Variants in USP13 observed in about 807,000 individuals in gnomAD.
USP13 encodes the protein ubiquitin carboxyl-terminal hydrolase 13.
In USP13, 68 loss-of-function variants were observed where a neutral mutation model predicts 107.8. That is an observed-to-expected ratio of 0.63 (90% CI 0.52 to 0.77). USP13 has a LOEUF of 0.77. USP13 is among the 30% of genes least tolerant of loss of function. The probability of loss-of-function intolerance (pLI) is 0.00; values close to 1 mark genes in which losing one functional copy is unlikely to be tolerated. For synonymous variants in USP13, 377 were observed against 389.5 expected, an observed-to-expected ratio of 0.97 and a Z score of 0.38; for missense variants, 945 against 1,093.3, an observed-to-expected ratio of 0.86 and a Z score of 1.91.
At chr3:179,688,934 G>C (rs1711994170) in intron 2 of USP13, among the ~76,000 whole-genome samples, 1 of 152,216 alleles carries the variant, frequency 6.6e-6, no homozygotes, top group Non-Finnish European at 1.5e-5. Flanking sequence ...TGGAGGGACA[G>C]GTTTTTGAGA....
chr3:179,774,356 G>A (rs980554344), intron 19 of USP13, among the ~76,000 whole-genome samples: 2 of 152,178 alleles, frequency 1.3e-5, no homozygotes, highest in African/African-American at 4.8e-5. Flanking sequence ...CTCCCTGTGA[G>A]TGTTACAGTT....
intron 19 of USP13, among the ~76,000 whole-genome samples, chr3:179,778,747 C>T (rs1560084982): frequency 1.3e-5 from 2 of 149,064 alleles, no homozygotes; most frequent in East Asian, 3.9e-4. Flanking sequence ...GCCTGGGTAA[C>T]AAGGGCAAAA....
intron 1 of USP13, among the ~76,000 whole-genome samples, chr3:179,668,383 C>A (rs1277482120): frequency 6.6e-6 from 1 of 152,194 alleles, no homozygotes; most frequent in East Asian, 1.9e-4. Flanking sequence ...CTATACTCTC[C>A]TGGGATTACA....
intron 16 of USP13, among the ~76,000 whole-genome samples, chr3:179,758,700 G>A (rs372210324): frequency 1.3e-5 from 2 of 151,740 alleles, no homozygotes; most frequent in African/African-American, 2.4e-5. Context: ...GGGTTTTACC[G>A]TGTTAGCCAG....
rs866728222 is a variant in USP13, at chr3:179,752,742, G to A, written c.1798+369G>A. The stretch of plus-strand genomic sequence containing the variant: ...GCCTGTGATTCTGTGTTTCTAACAA[G>A]CTCCCACGTGATGCTGATGCTGTTG... On this transcript the variant is annotated intron_variant, in intron 14 of 20. Transcript: ENST00000263966. Among the ~76,000 whole-genome samples the A allele has an allele frequency of 8.5e-5, 13 of 152,356 alleles. No homozygotes were observed. The Middle Eastern group carries it at 0.014, about 159-fold the overall frequency.
chr3:179,770,696 C>T (rs1028580776), intron 19 of USP13, among the ~76,000 whole-genome samples: 1 of 152,088 alleles, frequency 6.6e-6, no homozygotes, highest in Non-Finnish European at 1.5e-5. Flanking sequence ...CCTCCAACTC[C>T]CTGGTTCAAG....
chr3:179,782,522 G>C (rs539040525), intron 20 of USP13, among the ~76,000 whole-genome samples: 1 of 152,054 alleles, frequency 6.6e-6, no homozygotes, highest in South Asian at 2.1e-4. Flanking sequence ...GGACCTACTG[G>C]TGCCCTTCCT....
At chr3:179,725,477 A>G (rs1027633375) in intron 8 of USP13, among the ~76,000 whole-genome samples, 3 of 152,216 alleles carry the variant, frequency 2.0e-5, no homozygotes, top group African/African-American at 7.2e-5. Context: ...GGCCCAAAGA[A>G]GCATGCTCTG....
chr3:179,660,894 T>A (rs902921033), intron 1 of USP13, among the ~76,000 whole-genome samples: 1 of 152,252 alleles, frequency 6.6e-6, no homozygotes, highest in African/African-American at 2.4e-5. Flanking sequence ...GAAAAGTTGT[T>A]CTCGAGCAGT....
rs1714192526 is a variant in USP13 at position 179,741,326 on chromosome 3, CTGT to C, written c.1381-866_1381-864del. ...CGCCTTGCAGGTTCAAGTGATTCTTCTGTTGTTTGTTTCCTTGTTAGAACTAGG... is the reference window on the plus strand; with the variant it reads ...CGCCTTGCAGGTTCAAGTGATTCTTCTGTTTGTTTCCTTGTTAGAACTAGG... On this transcript the variant is annotated intron_variant, in intron 11 of 20. Coordinates refer to ENST00000263966, the MANE Select transcript of USP13 (RefSeq NM_003940.3). Among the ~76,000 whole-genome samples the C allele has an allele frequency of 2.6e-5, 4 of 151,324 alleles. No homozygotes were observed. The South Asian group carries it at 6.3e-4, about 24-fold the overall frequency.
At chr3:179,692,116 CAT>C (rs1712137035) in intron 3 of USP13, among the ~76,000 whole-genome samples, 1 of 152,208 alleles carries the variant, frequency 6.6e-6, no homozygotes, top group Non-Finnish European at 1.5e-5. Flanking sequence ...CACACATACA[CAT>C]GTGTACATAT....
chr3:179,772,357 A>C (rs761387784), intron 19 of USP13, among the ~76,000 whole-genome samples: 1 of 152,250 alleles, frequency 6.6e-6, no homozygotes, highest in Non-Finnish European at 1.5e-5. Flanking sequence ...AATGAAATTA[A>C]CATGTGATTA....
At chr3:179,677,471 T>C (rs1051778886) in intron 1 of USP13, among the ~76,000 whole-genome samples, 4 of 151,888 alleles carry the variant, frequency 2.6e-5, no homozygotes, top group African/African-American at 9.7e-5. Context: ...TCCCAGATAC[T>C]TGGGAGGCTG....
At chr3:179,735,027 C>T (rs948063033) in intron 10 of USP13, among the ~76,000 whole-genome samples, 1 of 152,132 alleles carries the variant, frequency 6.6e-6, no homozygotes, top group African/African-American at 2.4e-5. Context: ...TGAAGGCCTC[C>T]CTCTAATTTT....
intron 14 of USP13, among the ~76,000 whole-genome samples, chr3:179,754,378 G>A (rs1363728275): frequency 2.0e-5 from 3 of 152,172 alleles, no homozygotes; most frequent in African/African-American, 7.2e-5. Flanking sequence ...TGGAAATCTG[G>A]ATTTTACCTT....
At chr3:179,702,707 A>G (rs923143408) in intron 4 of USP13, among the ~76,000 whole-genome samples, 60 of 152,226 alleles carry the variant, frequency 3.9e-4, no homozygotes, top group African/African-American at 1.4e-3. Context: ...AGTGTTCAGT[A>G]GGGCATACAG....
At chr3:179,777,983 G>GGTAA (rs1167291105) in intron 19 of USP13, among the ~76,000 whole-genome samples, 1 of 152,096 alleles carries the variant, frequency 6.6e-6, no homozygotes, top group Non-Finnish European at 1.5e-5. Context: ...GGCAGACAAG[G>GGTAA]GTAAGGTGCC....
In USP13 at chr3:179,737,697, T is replaced by G. The variant is rs530662508; in HGVS notation, c.1255-2550T>G. On this transcript the variant is annotated intron_variant, in intron 10 of 20. Coordinates refer to ENST00000263966, the MANE Select transcript of USP13 (RefSeq NM_003940.3). ...CATTTATATACAGGTTGTTAGTCCT[T>G]AGATGCCCAAATGCTGCCACTTTGA... 3.7e-4 allele frequency among the ~76,000 whole-genome samples: 56 copies of G among 152,356 alleles called. No individual in the cohort carries two copies. In the South Asian group the frequency reaches 9.7e-3, roughly 27 times the overall value.
intron 1 of USP13, among the ~76,000 whole-genome samples, chr3:179,658,676 TG>T (rs1433591612): frequency 1.3e-5 from 2 of 152,140 alleles, no homozygotes; most frequent in Non-Finnish European, 2.9e-5. Flanking sequence ...GGGGACTCCT[TG>T]GGTAACTGCA....
Sources: gnomAD v4.1 joint callset for allele counts (sites outside exome capture counted in the v4.1 genomes callset) on GRCh38, gnomAD v4.1.1 for gene constraint, MANE v1.5 for transcripts, NCBI Gene and HGNC (gene_info 2026-07-23, HGNC 2026-07-21) for gene names.